The following RIF1 variants were observed in gnomAD, a reference collection of about 807,000 sequenced individuals.
The protein encoded by RIF1 is telomere-associated protein RIF1.
Under a neutral mutation model 247.1 loss-of-function variants are expected in RIF1, and 45 were observed. The observed-to-expected ratio is 0.18, with a 90% confidence interval of 0.14 to 0.23. RIF1 has a LOEUF of 0.23. RIF1 is among the 10% of genes least tolerant of loss of function. The pLI, the probability that RIF1 is intolerant of heterozygous loss-of-function variation, is 1.00. For synonymous variants in RIF1, 1,087 were observed against 978.8 expected (o/e 1.11, Z -2.06); for missense variants, 2,967 against 2,862.5 (o/e 1.04, Z -0.83).
At chr2:151,474,255 C>T (rs553213053) in intron 35 of RIF1, among the ~76,000 whole-genome samples, 183 bp downstream of exon 35, 2 of 152,310 alleles carry the variant, frequency 1.3e-5, no homozygotes, top group South Asian at 4.1e-4. Flanking sequence ...TTCTTGTCAA[C>T]TTCTCCATCA....
Position 151,446,584 on chromosome 2 carries a change from G to T in RIF1, c.2244+9G>T, listed in dbSNP as rs760846121. On this transcript the variant is annotated intron_variant, in intron 20 of 35. Transcript: ENST00000444746. ...AAGATGAAGGCTTTTCTGTGAGTTT[G>T]TCCTGATGCTACCTTTTTTTGTTTG... 6.2e-7 allele frequency: 1 copy of T among 1,604,836 alleles called. No homozygotes were observed. The highest frequency in any genetic ancestry group is 2.2e-5 in the East Asian group (1 of 44,842).
chr2:151,480,114 G>C lies in RIF1; in HGVS notation c.*5043G>C, dbSNP rs955852105. On this transcript the variant is annotated 3_prime_UTR_variant, in exon 36 of 36. Coordinates refer to ENST00000444746, the MANE Select transcript of RIF1 (RefSeq NM_018151.5). ...CATACTAAGCCTTCCTTTCTCCAAA[G>C]AACAGTTAAAACCAAATGTGTTATG... 9 of 152,030 alleles carry C rather than the reference G, an allele frequency of 5.9e-5. No individual in the cohort carries two copies. Among genetic ancestry groups the C allele is most frequent in the African/African-American group, 1.7e-4 (7 of 41,410 alleles). The allele number at this position is 152,030 out of a possible 1,614,324, so 9.4% of individuals were successfully genotyped here.
intron 7 of RIF1, among the ~76,000 whole-genome samples, chr2:151,421,690 G>A (rs1408637919): frequency 6.6e-6 from 1 of 152,088 alleles, no homozygotes; most frequent in African/African-American, 2.4e-5. Flanking sequence ...GATGACAGGC[G>A]TGAGCCACCA....
In RIF1 at chr2:151,463,374, A is replaced by G; in HGVS notation, c.3854A>G (p.Lys1285Arg). The change falls in exon 30 of 36, where the codon AAG (lysine) becomes AGG (arginine). Residue 1285 changes from lysine to arginine, a missense_variant. By Grantham distance (26) the Lys-to-Arg change is conservative (BLOSUM62 2). Around this residue, in one of 7 missense-constraint regions of RIF1, gnomAD observed 2,028 missense variants for 1,825.6 expected, o/e 1.11. Transcript: ENST00000444746. ...SDSEKIVNGT[K>R]RSSRRAGKAE... Reference sequence around the variant, plus strand: ...TCTGAAAAAATAGTGAATGGAACTAAGAGATCAAGCCGGAGAGCTGGTAAA... The same window carrying G: ...TCTGAAAAAATAGTGAATGGAACTAGGAGATCAAGCCGGAGAGCTGGTAAA... The G allele has an allele frequency of 6.2e-7, 1 of 1,614,078 alleles. No individual in the cohort carries two copies. The highest frequency in any genetic ancestry group is 1.1e-5 in the South Asian group (1 of 91,060).
chr2:151,463,928 G>T lies in RIF1; in HGVS notation c.4408G>T (p.Ala1470Ser). The stretch of plus-strand genomic sequence containing the variant: ...TGTGTTACCTAAACAAAAACTGATT[G>T]CTGAACAAACTCTACAGGAGAATTT... ...DDVLPKQKLI[A>S]EQTLQENLIE... The change falls in exon 30 of 36, where the codon GCT (alanine) becomes TCT (serine). Residue 1470 changes from alanine to serine, a missense_variant. By Grantham distance (99) the Ala-to-Ser change is moderately conservative (BLOSUM62 1). Transcript: ENST00000444746. 1.2e-6 allele frequency: 2 copies of T among 1,613,424 alleles called. No homozygotes were observed. The highest frequency in any genetic ancestry group is 1.7e-6 in the Non-Finnish European group (2 of 1,179,854).
At chr2:151,429,180 TTTTA>T (rs1172632737) in intron 9 of RIF1, among the ~76,000 whole-genome samples, 1 of 152,132 alleles carries the variant, frequency 6.6e-6, no homozygotes, top group African/African-American at 2.4e-5. Context: ...TGGCTTCCTT[TTTTA>T]TTTATTTATT....
intron 10 of RIF1, chr2:151,497,142 A>G: frequency 7.3e-7 from 1 of 1,369,594 alleles, no homozygotes; most frequent in East Asian, 2.5e-5. Context: ...ACAGTTGTCC[A>G]AGGAGCCAGA....
chr2:151,450,671 C>T (rs978556325), intron 20 of RIF1, among the ~76,000 whole-genome samples: 1 of 152,080 alleles, frequency 6.6e-6, no homozygotes, highest in Non-Finnish European at 1.5e-5. Flanking sequence ...GCAGCCTCCG[C>T]CTCCCGGGTT....
At chr2:151,427,558 A>C in intron 8 of RIF1, among the ~76,000 whole-genome samples, 1 of 136,882 alleles carries the variant, frequency 7.3e-6, no homozygotes. Flanking sequence ...TCCTGAGCTC[A>C]TATTTTTCTT....
rs1362605584 is a variant in RIF1, at chr2:151,410,047, C to T, written c.-11+14C>T. 7 of 702,928 alleles carry T rather than the reference C, an allele frequency of 1.0e-5. No individual in the cohort carries two copies. The highest frequency in any genetic ancestry group is 1.8e-5 in the Non-Finnish European group (7 of 384,922). 43.5% of individuals were successfully genotyped at this position (702,928 alleles called of 1,614,324 possible). On this transcript the variant is annotated intron_variant, in intron 1 of 35. Transcript: ENST00000444746. Reference sequence around the variant, plus strand: ...TGATCTTCCTAGGTGGGATAAATATCGGGGTGACAGTGGTAGGCCGCGGGG... The same window carrying T: ...TGATCTTCCTAGGTGGGATAAATATTGGGGTGACAGTGGTAGGCCGCGGGG...
At chr2:151,471,194 C>A (rs920344221) in intron 34 of RIF1, among the ~76,000 whole-genome samples, 6 of 152,072 alleles carry the variant, frequency 3.9e-5, no homozygotes, top group African/African-American at 1.2e-4. Flanking sequence ...TTTCACTTAG[C>A]ATAATGTTTT....
the RIF1 span, chr2:151,516,514 T>C: frequency 1.4e-5 from 22 of 1,613,516 alleles, no homozygotes; most frequent in Non-Finnish European, 1.9e-5. Context: ...TGTTTCAAAG[T>C]CCAGCATGGG....
intron 9 of RIF1, among the ~76,000 whole-genome samples, chr2:151,432,099 C>T (rs997163573): frequency 3.3e-5 from 5 of 152,098 alleles, no homozygotes; most frequent in African/African-American, 4.8e-5. Flanking sequence ...ACCTCTGCCT[C>T]CTGGGTCCAA....
chr2:151,433,201 A>G lies in RIF1; in HGVS notation c.1050A>G (p.Gly350=), dbSNP rs1179105356. 3 of 1,612,866 alleles carry G rather than the reference A, an allele frequency of 1.9e-6. No homozygotes were observed. The highest frequency in any genetic ancestry group is 2.2e-5 in the South Asian group (2 of 91,026). The change falls in exon 10 of 36, where the codon GGA becomes GGG. Residue 350 remains glycine (G), a synonymous_variant. Coordinates refer to ENST00000444746, the MANE Select transcript of RIF1 (RefSeq NM_018151.5). ...GGTGGTATTTACTGATGAGACTTGG[A>G]CCTCATCTTCCTGCTAATTTTGAAC... ...EVWWYLLMRL[G]PHLPANFEQV...
chr2:151,529,532 T>C, the RIF1 span, among the ~76,000 whole-genome samples: 1 of 140,598 alleles, frequency 7.1e-6, no homozygotes, highest in Admixed American at 7.9e-5. Flanking sequence ...TGTTGCCATA[T>C]AATTTTTTTT....
At chr2:151,512,188 G>C (rs771026990), downstream of RIF1, among the ~76,000 whole-genome samples, 1 of 151,576 alleles carries the variant, frequency 6.6e-6, no homozygotes, top group African/African-American at 2.4e-5. Flanking sequence ...CTGCCACCAC[G>C]CCCGGCTAAT....
At chr2:151,429,129 C>T (rs1194086418) in intron 9 of RIF1, among the ~76,000 whole-genome samples, 1 of 152,148 alleles carries the variant, frequency 6.6e-6, no homozygotes, top group East Asian at 1.9e-4. Context: ...ATCTGTTTCA[C>T]AGTATTTCAA....
intron 12 of RIF1, chr2:151,505,652 G>GC (rs2068219963): frequency 8.5e-7 from 1 of 1,180,186 alleles, no homozygotes; most frequent in African/African-American, 1.5e-5. Context: ...GTTTTTTGTA[G>GC]CCCCCAAATT....
chr2:151,494,188 G>C lies in RIF1; in HGVS notation c.*416-1041G>C, dbSNP rs750690826. 3 of 1,607,902 alleles carry C rather than the reference G, an allele frequency of 1.9e-6. No homozygotes were observed. The South Asian group carries it at 3.3e-5, about 18-fold the overall frequency. On this transcript the variant is annotated intron_variant and NMD_transcript_variant, in intron 9 of 13. Coordinates refer to the RIF1 transcript ENST00000454583. ...AGCTAATGTTTTCTTGATTGCGTTT[G>C]ACTCTCTGCATCTCAGGAGTGACAG...
Sources: allele counts gnomAD v4.1 joint callset (sites outside exome capture counted in the v4.1 genomes callset), GRCh38; gene constraint gnomAD v4.1.1; regional missense constraint gnomAD v4.1.1; transcripts MANE v1.5; gene names NCBI Gene and HGNC (gene_info 2026-07-23, HGNC 2026-07-21).